SCN1A: variants seen among roughly 807,000 people sequenced by gnomAD.
The protein encoded by SCN1A is sodium channel protein type 1 subunit alpha.
A neutral mutation model predicts 193.7 loss-of-function variants in SCN1A; 13 were observed. The observed-to-expected ratio is 0.07, with a 90% CI of 0.04 to 0.11. The LOEUF is 0.11. SCN1A is among the 10% of genes least tolerant of loss of function. SCN1A has a pLI of 1.00. For missense variants in SCN1A, 1,432 were observed against 2,451.1 expected, an observed-to-expected ratio of 0.58 and a Z score of 8.78; for synonymous variants, 781 against 843.6, an observed-to-expected ratio of 0.93 and a Z score of 1.29.
intron 2 of SCN1A, among the ~76,000 whole-genome samples, chr2:166,097,155 G>C (rs888374540): frequency 6.6e-6 from 1 of 152,060 alleles, no homozygotes; most frequent in African/African-American, 2.4e-5. Flanking sequence ...CCAAGTAGCT[G>C]GGACTACAGG....
At chr2:166,041,179 T>C (rs1368823066) in intron 16 of SCN1A, 52 bp downstream of exon 16, 10 of 1,332,392 alleles carry the variant, frequency 7.5e-6, no homozygotes, top group African/African-American at 1.4e-5. Context: ...GTAAACAGTT[T>C]TTCAAGCAGA....
chr2:166,049,578 T>C (rs1351543223), intron 9 of SCN1A, among the ~76,000 whole-genome samples: 1 of 152,130 alleles, frequency 6.6e-6, no homozygotes, highest in Non-Finnish European at 1.5e-5. Context: ...ATAATGACTA[T>C]AGGTGAACAC....
Position 165,991,736 on chromosome 2 carries a change from G to C in SCN1A, c.5539C>G (p.Leu1847Val), listed in dbSNP as rs1689187575. Residue 1847 changes from leucine (L) to valine (V), a missense_variant, in exon 29 of 29, where the codon CTC (leucine) becomes GTC (valine). Coordinates refer to ENST00000674923, the MANE Select transcript of SCN1A (RefSeq NM_001165963.4). Reference protein sequence around the residue: ...PPLNLPQPNKLQLIAMDLPMV... With the variant: ...PPLNLPQPNKVQLIAMDLPMV... ...GGCAAATCCATGGCAATGAGCTGGA[G>C]TTTGTTTGGTTGTGGCAGATTGAGA... The C allele has an allele frequency of 1.3e-5, 21 of 1,613,942 alleles. No individual in the cohort carries two copies. Among genetic ancestry groups the C allele is most frequent in the Non-Finnish European group, 1.8e-5 (21 of 1,179,936 alleles).
In SCN1A at chr2:165,991,046, C is replaced by G; in HGVS notation, c.*199G>C. ...GGTAGTGAGAACAGTAACCTCCTGT[C>G]AAGGTCATCTCCCCTTTACACAGAG... On this transcript the variant is annotated 3_prime_UTR_variant, in exon 29 of 29. Transcript: ENST00000674923. 3.5e-6 allele frequency: 2 copies of G among 576,226 alleles called. No individual in the cohort carries two copies. The highest frequency in any genetic ancestry group is 6.1e-6 in the Non-Finnish European group (2 of 326,980). The allele number at this position is 576,226 out of a possible 1,614,324, so 35.7% of individuals were successfully genotyped here. A position where few individuals can be genotyped will look rare whatever the true frequency, so the allele number is the denominator to read the frequency against.
intron 19 of SCN1A, among the ~76,000 whole-genome samples, chr2:166,019,719 C>A (rs1045079670): frequency 6.6e-6 from 1 of 151,972 alleles, no homozygotes; most frequent in African/African-American, 2.4e-5. Context: ...TGACTTAGAC[C>A]TTTGTGGTCC....
At chr2:166,114,299 G>GTATTAAAGAA (rs1689617145) in intron 2 of SCN1A, among the ~76,000 whole-genome samples, 3 of 152,138 alleles carry the variant, frequency 2.0e-5, no homozygotes, top group Admixed American at 2.0e-4. Flanking sequence ...ACATCTGAGA[G>GTATTAAAGAA]TATTAAAGAA....
intron 23 of SCN1A, among the ~76,000 whole-genome samples, chr2:166,006,637 T>A (rs1450048521): frequency 6.6e-6 from 1 of 151,444 alleles, no homozygotes; most frequent in Non-Finnish European, 1.5e-5. Context: ...CTTATTCAAC[T>A]ATTTCTTAAT....
At chr2:166,015,562 G>A in intron 20 of SCN1A, 45 bp downstream of exon 20, 2 of 1,609,412 alleles carry the variant, frequency 1.2e-6, no homozygotes, top group Middle Eastern at 1.7e-4. Context: ...AGCTAAACAA[G>A]CTGCACTCCA....
At chr2:166,037,211 T>C (rs919249303) in intron 18 of SCN1A, among the ~76,000 whole-genome samples, 6 of 152,202 alleles carry the variant, frequency 3.9e-5, no homozygotes, top group Non-Finnish European at 8.8e-5. Context: ...TCAGGCATCA[T>C]TAGCCATTCG....
intron 19 of SCN1A, among the ~76,000 whole-genome samples, chr2:166,018,664 T>TGAGTAA (rs1380722316): frequency 7.9e-5 from 12 of 152,062 alleles, no homozygotes; most frequent in Admixed American, 6.6e-5. Context: ...TCCTATTTTA[T>TGAGTAA]CCCTTTGAGT....
chr2:165,991,173 C>A lies in SCN1A; in HGVS notation c.*72G>T, dbSNP rs1689071562. 1 of 1,374,428 alleles carries A rather than the reference C, an allele frequency of 7.3e-7. No homozygotes were observed. The highest frequency in any genetic ancestry group is 2.0e-5 in the Admixed American group (1 of 50,338). The allele number at this position is 1,374,428 out of a possible 1,614,324, so 85.1% of individuals were successfully genotyped here. A position where few individuals can be genotyped will look rare whatever the true frequency, so the allele number is the denominator to read the frequency against. On this transcript the variant is annotated 3_prime_UTR_variant, in exon 29 of 29. Transcript: ENST00000674923. Reference sequence around the variant, plus strand: ...TTGGCATTGACCTCCTAAAGGAGTCCTGTTGATAAAAATACATCACCTTCA... The same window carrying A: ...TTGGCATTGACCTCCTAAAGGAGTCATGTTGATAAAAATACATCACCTTCA...
intron 2 of SCN1A, among the ~76,000 whole-genome samples, chr2:166,112,127 A>T (rs1261782509): frequency 1.3e-5 from 2 of 152,214 alleles, no homozygotes; most frequent in Non-Finnish European, 2.9e-5. Context: ...ACTGTGGGTA[A>T]AATGCTATCA....
At chr2:166,058,089 C>T (rs1018934086) in intron 5 of SCN1A, among the ~76,000 whole-genome samples, 4 of 151,986 alleles carry the variant, frequency 2.6e-5, no homozygotes, top group African/African-American at 9.7e-5. Context: ...AAGTACTGGC[C>T]AAAGACTCCT....
rs150831315 is a variant in SCN1A at position 166,009,743 on chromosome 2, G to A, written c.3978C>T (p.Ala1326=). The part of the protein sequence containing the change: ...RTLRALRPLR[A]LSRFEGMRVV... ...CCCTCATCCCTTCAAATCGAGATAAGGCTCTTAGAGGTCTCAGAGCTCTTA... is the reference window on the plus strand; with the variant it reads ...CCCTCATCCCTTCAAATCGAGATAAAGCTCTTAGAGGTCTCAGAGCTCTTA... The change falls in exon 23 of 29, where the codon GCC becomes GCT. Residue 1326 remains alanine (A), a synonymous_variant. Transcript: ENST00000674923. 1.3e-5 allele frequency: 21 copies of A among 1,605,854 alleles called. No individual in the cohort carries two copies. In the African/African-American group the frequency reaches 1.3e-4, roughly 10 times the overall value.
intron 16 of SCN1A, 79 bp from the exon 17 acceptor site, chr2:166,039,675 CT>C: frequency 1.6e-6 from 2 of 1,251,488 alleles, no homozygotes; most frequent in Non-Finnish European, 2.3e-6. Flanking sequence ...GAACATAATG[CT>C]TATGCTATTT....
intron 2 of SCN1A, among the ~76,000 whole-genome samples, chr2:166,119,160 G>A (rs1558886701): frequency 6.6e-6 from 1 of 152,148 alleles, no homozygotes; most frequent in Non-Finnish European, 1.5e-5. Flanking sequence ...AACAGGCCAG[G>A]GACCAGTACT....
intron 4 of SCN1A, among the ~76,000 whole-genome samples, chr2:166,071,322 A>G (rs1248051501): frequency 6.6e-6 from 1 of 152,228 alleles, no homozygotes; most frequent in Non-Finnish European, 1.5e-5. Flanking sequence ...AACTTTTCTC[A>G]TAACTTAAAT....
upstream of SCN1A, among the ~76,000 whole-genome samples, chr2:166,128,244 A>G (rs1050705554): frequency 6.6e-6 from 1 of 152,038 alleles, no homozygotes; most frequent in Non-Finnish European, 1.5e-5. Flanking sequence ...CTATTGCTAT[A>G]TAATATCATG....
chr2:165,985,361 G>A (rs931506741), downstream of SCN1A: 4 of 151,024 alleles, frequency 2.6e-5, no homozygotes, highest in Non-Finnish European at 5.9e-5. Context: ...TAAGAAAAAG[G>A]AAGGAAAAAG....
Sources: allele counts gnomAD v4.1 joint callset (sites outside exome capture counted in the v4.1 genomes callset), GRCh38; gene constraint gnomAD v4.1.1; transcripts MANE v1.5; gene names NCBI Gene and HGNC (gene_info 2026-07-23, HGNC 2026-07-21).